The following ARHGEF12 variants were observed in gnomAD, a reference collection of about 807,000 sequenced individuals.
The protein encoded by ARHGEF12 is Rho guanine nucleotide exchange factor 12, also known as KMT2A/ARHGEF12 fusion protein.
ARHGEF12 carries 66 observed loss-of-function variants against 211.2 expected under a neutral mutation model. The ratio of observed to expected loss-of-function variants is 0.31; its 90% CI spans 0.26 to 0.38. The LOEUF (loss-of-function observed/expected upper bound fraction) is 0.38. ARHGEF12 is among the 10% of genes least tolerant of loss of function. The pLI is 1.00. For synonymous variants in ARHGEF12, 592 were observed against 638.4 expected (o/e 0.93, Z 1.09); for missense variants, 1,429 against 1,869.5 (o/e 0.76, Z 4.34).
intron 1 of ARHGEF12, among the ~76,000 whole-genome samples, chr11:120,353,156 A>G (rs993192108): frequency 6.6e-6 from 1 of 152,218 alleles, no homozygotes; most frequent in Non-Finnish European, 1.5e-5. Flanking sequence ...ATCACACTCA[A>G]AAGCTTGGGG....
chr11:120,447,310 A>G, intron 18 of ARHGEF12: 1 of 418,446 alleles, frequency 2.4e-6, no homozygotes, highest in South Asian at 6.3e-5. Flanking sequence ...TAACTCTAAA[A>G]CTTCTAATCA....
intron 1 of ARHGEF12, among the ~76,000 whole-genome samples, chr11:120,383,544 C>T (rs574685116): frequency 6.6e-6 from 1 of 152,232 alleles, no homozygotes; most frequent in African/African-American, 2.4e-5. Context: ...AATGACAGAT[C>T]ATCAAGCATT....
intron 40 of ARHGEF12, 125 bp from the exon 41 acceptor site, chr11:120,484,942 C>T: frequency 1.0e-6 from 1 of 981,052 alleles, no homozygotes; most frequent in Non-Finnish European, 1.6e-6. Flanking sequence ...AGTTTATACT[C>T]ATCTGCTTAC....
chr11:120,340,488 A>G lies in ARHGEF12; in HGVS notation c.32+3213A>G. On this transcript the variant is annotated intron_variant, in intron 1 of 40. Transcript: ENST00000397843. Reference sequence around the variant, plus strand: ...AATTCAGCTTTGAGCTGTTTAACTTAAGCAGATTTTTAAAGTGAGTGTGGA... The same window carrying G: ...AATTCAGCTTTGAGCTGTTTAACTTGAGCAGATTTTTAAAGTGAGTGTGGA... Among the ~76,000 whole-genome samples, 3 of 152,282 alleles carry G rather than the reference A, an allele frequency of 2.0e-5. No individual in the cohort carries two copies. The South Asian group carries it at 6.2e-4, about 32-fold the overall frequency.
chr11:120,424,379 C>CAT lies in ARHGEF12; in HGVS notation c.371_372dup (p.Ser125IlefsTer8). ...ACAGGTGAATGGAACTCTGGTGACT[C>CAT]ATTCAAATCATCTGGAGGTGGTGAA... is the stretch of plus-strand genomic sequence containing the variant. On this transcript the variant is annotated frameshift_variant, in exon 7 of 41. Coordinates refer to ENST00000397843, the MANE Select transcript of ARHGEF12 (RefSeq NM_015313.3). LOFTEE classifies it high-confidence loss of function. The CAT allele has an allele frequency of 6.2e-7, 1 of 1,613,468 alleles. No individual in the cohort carries two copies. The highest frequency in any genetic ancestry group is 8.5e-7 in the Non-Finnish European group (1 of 1,179,610).
intron 11 of ARHGEF12, among the ~76,000 whole-genome samples, chr11:120,435,997 G>A (rs1249527738): frequency 2.0e-5 from 3 of 152,148 alleles, no homozygotes; most frequent in African/African-American, 7.2e-5. Context: ...CTAAAATACA[G>A]CTTATACAGA....
intron 27 of ARHGEF12, 29 bp downstream of exon 27, chr11:120,460,786 AT>A (rs1281413546): frequency 1.3e-6 from 2 of 1,558,714 alleles, no homozygotes; most frequent in East Asian, 2.2e-5. Flanking sequence ...TCTTTTTAAT[AT>A]TTTTATGGAC....
intron 5 of ARHGEF12, among the ~76,000 whole-genome samples, chr11:120,421,146 AC>A (rs1198203359): frequency 6.6e-6 from 1 of 152,200 alleles, no homozygotes; most frequent in African/African-American, 2.4e-5. Context: ...TTTCCATGGC[AC>A]CACTGATATT....
At chr11:120,428,634 T>C (rs1429117857) in intron 8 of ARHGEF12, among the ~76,000 whole-genome samples, 1 of 152,166 alleles carries the variant, frequency 6.6e-6, no homozygotes. Flanking sequence ...GCTTTGTTGA[T>C]TGAGATTAAG....
At chr11:120,449,047 T>C in intron 20 of ARHGEF12, 62 bp from the exon 21 acceptor site, 3 of 1,416,636 alleles carry the variant, frequency 2.1e-6, no homozygotes, top group Non-Finnish European at 2.9e-6. Flanking sequence ...CATTACACTA[T>C]GAAAATCGCA....
At chr11:120,483,807 G>A (rs188251915) in intron 39 of ARHGEF12, among the ~76,000 whole-genome samples, 1 of 152,170 alleles carries the variant, frequency 6.6e-6, no homozygotes, top group Admixed American at 6.5e-5. Flanking sequence ...GTAGAGACGG[G>A]GTTTCACCAT....
intron 1 of ARHGEF12, among the ~76,000 whole-genome samples, chr11:120,365,500 T>C (rs1943398415): frequency 6.6e-6 from 1 of 152,180 alleles, no homozygotes; most frequent in Non-Finnish European, 1.5e-5. Context: ...ATGTAATACA[T>C]TTGAGATGAA....
chr11:120,368,681 T>C (rs1398402618), intron 1 of ARHGEF12, among the ~76,000 whole-genome samples: 4 of 152,214 alleles, frequency 2.6e-5, no homozygotes, highest in Non-Finnish European at 5.9e-5. Context: ...CCAAAACTCA[T>C]TTTTTCTATG....
At chr11:120,481,760 CTT>C (rs765155466) in intron 39 of ARHGEF12, among the ~76,000 whole-genome samples, 184 bp downstream of exon 39, 18 of 138,366 alleles carry the variant, frequency 1.3e-4, no homozygotes, top group Non-Finnish European at 1.1e-4. Context: ...TTCTTTCTTT[CTT>C]TTTTTTTTTT....
Position 120,481,266 on chromosome 11 carries a change from A to G in ARHGEF12, c.4244A>G (p.Tyr1415Cys), listed in dbSNP as rs772532659. The G allele has an allele frequency of 1.3e-5, 21 of 1,613,826 alleles. No individual in the cohort carries two copies. The highest frequency in any genetic ancestry group is 1.6e-4 in the Middle Eastern group (1 of 6,084). Residue 1415 changes from tyrosine (Y) to cysteine (C), a missense_variant, in exon 39 of 41, where the codon TAT (tyrosine) becomes TGT (cysteine). Transcript: ENST00000397843. ...KDVNLRISGN[Y>C]LILDGYDPVQ... ...ATTCTGTCTCTATCCATAGGAAACT[A>G]TTTGATCCTTGATGGCTATGACCCA... is the stretch of plus-strand genomic sequence containing the variant.
chr11:120,356,826 A>G lies in ARHGEF12; in HGVS notation c.32+19551A>G, dbSNP rs185854682. 7.9e-4 allele frequency among the ~76,000 whole-genome samples: 121 copies of G among 152,234 alleles called. 1 individual carries two copies. The highest frequency in any genetic ancestry group is 7.4e-4 in the Non-Finnish European group (50 of 68,004). On this transcript the variant is annotated intron_variant, in intron 1 of 40. Coordinates refer to ENST00000397843, the MANE Select transcript of ARHGEF12 (RefSeq NM_015313.3). ...ACCCAACCATTAATCTCTCCATGCAAAATACATGTATTGACTAAAAATTAT... is the reference window on the plus strand; with the variant it reads ...ACCCAACCATTAATCTCTCCATGCAGAATACATGTATTGACTAAAAATTAT...
At chr11:120,397,598 G>T (rs2135529076) in intron 1 of ARHGEF12, among the ~76,000 whole-genome samples, 1 of 152,222 alleles carries the variant, frequency 6.6e-6, no homozygotes, top group East Asian at 1.9e-4. Flanking sequence ...CAGTTATCAA[G>T]AATTATTTAG....
At chr11:120,459,067 T>C in intron 25 of ARHGEF12, 107 bp from the exon 26 acceptor site, 1 of 926,016 alleles carries the variant, frequency 1.1e-6, no homozygotes, top group Non-Finnish European at 1.4e-6. Flanking sequence ...AAATGATAAA[T>C]AATTTATTAT....
intron 29 of ARHGEF12, among the ~76,000 whole-genome samples, chr11:120,467,533 C>T (rs939324360): frequency 1.5e-4 from 22 of 150,088 alleles, no homozygotes; most frequent in Admixed American, 1.2e-3. Context: ...ACCTCAAACT[C>T]CTCGGCTCAG....
Sources: gnomAD v4.1 joint callset for allele counts (sites outside exome capture counted in the v4.1 genomes callset) on GRCh38, gnomAD v4.1.1 for gene constraint, MANE v1.5 for transcripts, NCBI Gene and HGNC (gene_info 2026-07-23, HGNC 2026-07-21) for gene names.